SWT1: variants seen among roughly 807,000 people sequenced by gnomAD.
SWT1 encodes the protein transcriptional protein SWT1.
SWT1 carries 33 observed loss-of-function variants against 107.3 expected under a neutral mutation model. The ratio of observed to expected loss-of-function variants is 0.31; its 90% CI spans 0.23 to 0.41. The LOEUF (loss-of-function observed/expected upper bound fraction) is 0.41, where lower values mean the gene tolerates loss of function less well. SWT1 is among the 10% of genes least tolerant of loss of function. SWT1 has a pLI of 1.00. For missense variants in SWT1, 898 were observed against 1,028.9 expected, an observed-to-expected ratio of 0.87 and a Z score of 1.74; for synonymous variants, 345 against 348.3, an observed-to-expected ratio of 0.99 and a Z score of 0.11.
rs757588672 is a variant in SWT1, at chr1:185,163,684, G to A, written c.84+2759G>A. Among the ~76,000 whole-genome samples, 11 of 152,070 alleles carry A rather than the reference G, an allele frequency of 7.2e-5. 1 individual carries two copies. Among genetic ancestry groups the A allele is most frequent in the African/African-American group, 2.2e-4 (9 of 41,422 alleles). On this transcript the variant is annotated intron_variant, in intron 2 of 18. Coordinates refer to ENST00000367500, the MANE Select transcript of SWT1 (RefSeq NM_017673.7). ...GCTGGGATTACAGGCGTGAGCCACC[G>A]CACCCAGCCCCCATTAAAGTTTTAT...
chr1:185,273,162 T>C (rs1473348240), intron 17 of SWT1, among the ~76,000 whole-genome samples: 1 of 152,182 alleles, frequency 6.6e-6, no homozygotes, highest in Non-Finnish European at 1.5e-5. Flanking sequence ...CTCAGCACTT[T>C]GGAAGGCCAA....
At chr1:185,233,987 A>ACC (rs1313468421) in intron 16 of SWT1, among the ~76,000 whole-genome samples, 9 of 151,220 alleles carry the variant, frequency 6.0e-5, no homozygotes. Context: ...CTCATGATCC[A>ACC]CCCCCCTCAG....
At chr1:185,250,528 C>G (rs117699949) in intron 16 of SWT1, among the ~76,000 whole-genome samples, 1 of 152,164 alleles carries the variant, frequency 6.6e-6, no homozygotes, top group African/African-American at 2.4e-5. Flanking sequence ...CTCTTCCTCT[C>G]TCTATACTCC....
At chr1:185,186,590 T>C (rs1290625309) in intron 9 of SWT1, among the ~76,000 whole-genome samples, 2 of 152,192 alleles carry the variant, frequency 1.3e-5, no homozygotes, top group South Asian at 4.1e-4. Context: ...TAATGACATA[T>C]AACGTTAAAT....
chr1:185,173,457 G>A (rs1180226840), intron 4 of SWT1, among the ~76,000 whole-genome samples: 1 of 151,500 alleles, frequency 6.6e-6, no homozygotes, highest in Non-Finnish European at 1.5e-5. Context: ...ACACTGGGGA[G>A]GCTAAGGTGG....
chr1:185,227,527 CTGTT>C (rs550697326), intron 15 of SWT1: 228 of 535,002 alleles, frequency 4.3e-4, no homozygotes, highest in African/African-American at 3.9e-3. Context: ...AATGATATCT[CTGTT>C]TGTTACATGA....
intron 12 of SWT1, 36 bp from the exon 13 acceptor site, chr1:185,206,589 T>C: frequency 7.7e-7 from 1 of 1,303,932 alleles, no homozygotes; most frequent in South Asian, 2.0e-5. Flanking sequence ...GAATAATAAA[T>C]CTAGAGATGT....
At chr1:185,290,339 G>A (rs912603936) in intron 18 of SWT1, among the ~76,000 whole-genome samples, 1 of 152,110 alleles carries the variant, frequency 6.6e-6, no homozygotes, top group African/African-American at 2.4e-5. Flanking sequence ...CACTTTGGGA[G>A]GCCATGGTAG....
intron 18 of SWT1, chr1:185,281,071 C>T: frequency 7.7e-6 from 2 of 258,866 alleles, no homozygotes; most frequent in South Asian, 8.7e-5. Flanking sequence ...GATTTTTAGA[C>T]CAAGATTATT....
At chr1:185,201,304 A>T (rs1657859384) in intron 10 of SWT1, among the ~76,000 whole-genome samples, 1 of 152,072 alleles carries the variant, frequency 6.6e-6, no homozygotes, top group Non-Finnish European at 1.5e-5. Flanking sequence ...GATATGAAAA[A>T]AACCTCCTGC....
In SWT1 at chr1:185,193,620, C is replaced by T. The variant is rs576374800; in HGVS notation, c.1523+2978C>T. Among the ~76,000 whole-genome samples the T allele has an allele frequency of 3.9e-5, 6 of 152,178 alleles. 1 individual carries two copies. The South Asian group carries it at 1.2e-3, about 32-fold the overall frequency. ...TAGCTGGGACTACAGTTGCAGGCTGCCATGCCTGGATAATTTTTGTATTTT... is the reference window on the plus strand; with the variant it reads ...TAGCTGGGACTACAGTTGCAGGCTGTCATGCCTGGATAATTTTTGTATTTT... On this transcript the variant is annotated intron_variant, in intron 10 of 18. Transcript: ENST00000367500.
intron 8 of SWT1, 100 bp from the exon 9 acceptor site, chr1:185,184,643 A>T: frequency 1.3e-6 from 1 of 742,176 alleles, no homozygotes; most frequent in Non-Finnish European, 2.2e-6. Flanking sequence ...TCCTAAAGGT[A>T]GGGACTGTGT....
At chr1:185,283,862 C>A (rs1349669196) in intron 18 of SWT1, among the ~76,000 whole-genome samples, 1 of 152,068 alleles carries the variant, frequency 6.6e-6, no homozygotes, top group Non-Finnish European at 1.5e-5. Context: ...ATATACACAC[C>A]ACATTTTGTT....
At chr1:185,223,609 A>G (rs527548453) in intron 15 of SWT1, among the ~76,000 whole-genome samples, 55 of 152,338 alleles carry the variant, frequency 3.6e-4, no homozygotes, top group African/African-American at 1.3e-3. Flanking sequence ...TGGCCATTCA[A>G]ATGTCTTCCT....
At chr1:185,269,536 T>TG (rs1223441956) in intron 16 of SWT1, among the ~76,000 whole-genome samples, 2 of 152,118 alleles carry the variant, frequency 1.3e-5, no homozygotes. Flanking sequence ...AAACTATTTA[T>TG]GAAAGCTCTC....
At chr1:185,220,138 CAAAAAAAAAAAA>C (rs34674504) in intron 14 of SWT1, among the ~76,000 whole-genome samples, 1 of 45,642 alleles carries the variant, frequency 2.2e-5, no homozygotes, top group East Asian at 8.3e-4. Flanking sequence ...GACCCTGTCT[CAAAAAAAAAAAA>C]AAAAAAAAAA....
chr1:185,276,887 C>T (rs551429667), intron 18 of SWT1, among the ~76,000 whole-genome samples: 4 of 152,108 alleles, frequency 2.6e-5, no homozygotes, highest in African/African-American at 9.6e-5. Context: ...AATTTTTTGG[C>T]CTCAAGACTT....
chr1:185,201,298 T>C (rs571711061), intron 10 of SWT1, among the ~76,000 whole-genome samples: 1 of 152,048 alleles, frequency 6.6e-6, no homozygotes, highest in Admixed American at 6.6e-5. Flanking sequence ...CACTGGGATA[T>C]GAAAAAAACC....
intron 5 of SWT1, among the ~76,000 whole-genome samples, 186 bp from the exon 6 acceptor site, chr1:185,180,205 G>A (rs1444487242): frequency 6.6e-6 from 1 of 152,068 alleles, no homozygotes; most frequent in African/African-American, 2.4e-5. Context: ...TTTGGGAGTA[G>A]GGGTAGGTGG....
Sources: gnomAD v4.1 joint callset for allele counts (sites outside exome capture counted in the v4.1 genomes callset) on GRCh38, gnomAD v4.1.1 for gene constraint, MANE v1.5 for transcripts, NCBI Gene and HGNC (gene_info 2026-07-23, HGNC 2026-07-21) for gene names.